PDE8A: variants seen among roughly 807,000 people sequenced by gnomAD.
The protein encoded by PDE8A is phosphodiesterase 8A, also known as high affinity cAMP-specific and IBMX-insensitive 3',5'-cyclic phosphodiesterase 8A.
Under a neutral mutation model 105.0 loss-of-function variants are expected in PDE8A, and 59 were observed. The observed-to-expected ratio is 0.56, with a 90% CI of 0.46 to 0.70. The LOEUF (loss-of-function observed/expected upper bound fraction) is 0.70, where lower values mean the gene tolerates loss of function less well. Ranked by LOEUF, PDE8A falls within the 30% of genes least tolerant of loss-of-function variation. The probability of loss-of-function intolerance (pLI) is 0.00; values close to 1 mark genes in which losing one functional copy is unlikely to be tolerated. For missense variants in PDE8A, 1,014 were observed against 1,045.9 expected, an observed-to-expected ratio of 0.97 and a Z score of 0.42; for synonymous variants, 355 against 371.9, an observed-to-expected ratio of 0.95 and a Z score of 0.52.
intron 1 of PDE8A, among the ~76,000 whole-genome samples, chr15:85,008,359 A>G (rs144582940): frequency 1.2e-3 from 187 of 152,060 alleles, no homozygotes; most frequent in African/African-American, 4.2e-3. Context: ...TGATACCCGT[A>G]ATACTCTGTC....
chr15:85,013,385 A>T (rs74024779), intron 1 of PDE8A, among the ~76,000 whole-genome samples: 1 of 152,226 alleles, frequency 6.6e-6, no homozygotes, highest in South Asian at 2.1e-4. Flanking sequence ...AATGAATTCT[A>T]TCTTTTAGAG....
chr15:85,118,914 C>G (rs948701498), intron 17 of PDE8A, among the ~76,000 whole-genome samples: 2 of 152,202 alleles, frequency 1.3e-5, no homozygotes, highest in African/African-American at 4.8e-5. Flanking sequence ...AAGGGTAAAC[C>G]TTCTCAGAAC....
intron 1 of PDE8A, among the ~76,000 whole-genome samples, chr15:85,048,610 C>T (rs2080923091): frequency 1.3e-5 from 2 of 152,206 alleles, no homozygotes; most frequent in Non-Finnish European, 2.9e-5. Context: ...AGCAGTTCCA[C>T]TGCATTCTCC....
intron 1 of PDE8A, among the ~76,000 whole-genome samples, chr15:85,025,169 G>A (rs1028276414): frequency 5.9e-5 from 9 of 152,088 alleles, no homozygotes; most frequent in African/African-American, 2.2e-4. Context: ...CATAAGTCCT[G>A]GATCAGACCT....
At position 85,102,567 on chromosome 15, in the gene PDE8A, G is replaced by A. The variant is rs565277766; in HGVS notation, c.1036+2369G>A. ...TAAGAAGAGTACCATAGGGCTGGAC[G>A]CAGTGGCTCACACCTGTAATCCCAC... On this transcript the variant is annotated intron_variant, in intron 11 of 21. Transcript: ENST00000394553. 8.9e-4 allele frequency among the ~76,000 whole-genome samples: 135 copies of A among 151,596 alleles called. 1 individual carries two copies. Among genetic ancestry groups the A allele is most frequent in the Non-Finnish European group, 3.4e-4 (23 of 67,866 alleles).
chr15:85,128,220 A>T (rs767843502), intron 20 of PDE8A, among the ~76,000 whole-genome samples: 1 of 152,248 alleles, frequency 6.6e-6, no homozygotes, highest in Non-Finnish European at 1.5e-5. Context: ...GAAAGCAACA[A>T]CCAGCCAGGT....
At chr15:84,981,397 G>GAGCCA (rs2079705118), upstream of PDE8A, among the ~76,000 whole-genome samples, 1 of 152,102 alleles carries the variant, frequency 6.6e-6, no homozygotes, top group Non-Finnish European at 1.5e-5. Context: ...AGCCGGAGCC[G>GAGCCA]GAGCCGTACC....
intron 8 of PDE8A, among the ~76,000 whole-genome samples, chr15:85,096,833 A>G (rs1426435862): frequency 2.0e-5 from 3 of 152,182 alleles, no homozygotes; most frequent in African/African-American, 4.8e-5. Context: ...TTTCAGAATT[A>G]TATCAGTAAG....
chr15:85,059,334 A>G (rs1236776646), intron 1 of PDE8A, among the ~76,000 whole-genome samples: 1 of 152,144 alleles, frequency 6.6e-6, no homozygotes, highest in Non-Finnish European at 1.5e-5. Flanking sequence ...GAAAATATAT[A>G]TGTTGTTATT....
chr15:85,057,575 C>T (rs1206508408), intron 1 of PDE8A, among the ~76,000 whole-genome samples: 2 of 152,164 alleles, frequency 1.3e-5, no homozygotes, highest in Non-Finnish European at 2.9e-5. Flanking sequence ...GAAGCCGGTA[C>T]CTCAGTTGGA....
At chr15:84,986,840 C>T (rs7163965) in intron 1 of PDE8A, among the ~76,000 whole-genome samples, 85,340 of 151,814 alleles carry the variant, frequency 0.56, 24,152 homozygotes, top group Non-Finnish European at 0.61. Context: ...GCTCAAACTC[C>T]TGGGCTCCTG....
intron 16 of PDE8A, 51 bp from the exon 17 acceptor site, chr15:85,117,590 G>T: frequency 6.7e-7 from 1 of 1,488,784 alleles, no homozygotes; most frequent in African/African-American, 1.4e-5. Context: ...TTAAACACTT[G>T]GCCTGTTTGT....
intron 5 of PDE8A, among the ~76,000 whole-genome samples, 195 bp downstream of exon 5, chr15:85,076,982 A>C (rs1459642643): frequency 6.6e-6 from 1 of 152,090 alleles, no homozygotes; most frequent in Non-Finnish European, 1.5e-5. Flanking sequence ...GGAGTTCAAG[A>C]CCAGCCTGGG....
At chr15:85,076,213 C>A (rs1270237353) in intron 4 of PDE8A, among the ~76,000 whole-genome samples, 1 of 152,178 alleles carries the variant, frequency 6.6e-6, no homozygotes, top group East Asian at 1.9e-4. Context: ...TTCCTAGGGC[C>A]TTCTAACTCC....
rs118019146 is a variant in PDE8A, at chr15:85,108,234, C to T, written c.1037-819C>T. On this transcript the variant is annotated intron_variant, in intron 11 of 21. Coordinates refer to ENST00000394553, the MANE Select transcript of PDE8A (RefSeq NM_002605.3). ...GTGCAAAGGAAGTGCTAAGGGCCTA[C>T]ATTCGGATCCTGTACATGAGCAGGG... Among the ~76,000 whole-genome samples, 816 of 152,318 alleles carry T rather than the reference C, an allele frequency of 5.4e-3. 7 individuals carry two copies. Among genetic ancestry groups the T allele is most frequent in the Admixed American group, 0.015 (228 of 15,310 alleles).
intron 5 of PDE8A, among the ~76,000 whole-genome samples, chr15:85,082,648 T>C (rs183874205): frequency 1.5e-3 from 235 of 152,302 alleles, no homozygotes; most frequent in Admixed American, 2.7e-3. Flanking sequence ...GGCTGGGGCT[T>C]ATAGATAGTG....
intron 1 of PDE8A, among the ~76,000 whole-genome samples, chr15:84,994,537 A>G (rs1007601134): frequency 6.6e-5 from 10 of 152,098 alleles, no homozygotes; most frequent in African/African-American, 2.4e-4. Context: ...ATCTTGAAGG[A>G]TTTTTCACAG....
In PDE8A at chr15:85,088,840, G is replaced by A. The variant is rs576326803; in HGVS notation, c.636-498G>A. ...TGTGAGAAAATGCTCACAGAAGAAG[G>A]CTAAGTGAAGAAAGCAGGAAGCAAA... On this transcript the variant is annotated intron_variant, in intron 6 of 21. Coordinates refer to ENST00000394553, the MANE Select transcript of PDE8A (RefSeq NM_002605.3). 2.6e-5 allele frequency among the ~76,000 whole-genome samples: 4 copies of A among 152,298 alleles called. No homozygotes were observed. The South Asian group carries it at 6.2e-4, about 24-fold the overall frequency.
Position 85,123,077 on chromosome 15 carries a change from C to G in PDE8A, c.1969C>G (p.Leu657Val), listed in dbSNP as rs751752777. The part of the protein sequence containing the change: ...KNMERNDYRT[L>V]RQGIIDMVLA... ...CGAAAACAGGAATGATTATCGGACACTGCGCCAGGGGATTATCGACATGGT... is the reference window on the plus strand; with the variant it reads ...CGAAAACAGGAATGATTATCGGACAGTGCGCCAGGGGATTATCGACATGGT... Residue 657 changes from leucine (L) to valine (V), a missense_variant, in exon 19 of 22, where the codon CTG (leucine) becomes GTG (valine). Leu to Val is a conservative substitution (Grantham distance 32). Transcript: ENST00000394553. 1 of 1,614,030 alleles carries G rather than the reference C, an allele frequency of 6.2e-7. No homozygotes were observed. The highest frequency in any genetic ancestry group is 8.5e-7 in the Non-Finnish European group (1 of 1,179,942).
Sources: gnomAD v4.1 joint callset for allele counts (sites outside exome capture counted in the v4.1 genomes callset) on GRCh38, gnomAD v4.1.1 for gene constraint, MANE v1.5 for transcripts, NCBI Gene and HGNC (gene_info 2026-07-23, HGNC 2026-07-21) for gene names.